Variants in PCDHGA4 observed in about 807,000 individuals in gnomAD.
PCDHGA4 encodes the protein protocadherin gamma-A4.
Under a neutral mutation model 54.6 loss-of-function variants are expected in PCDHGA4, and 38 were observed. That is an observed-to-expected ratio of 0.70 (90% CI 0.54 to 0.91). The LOEUF is 0.91. Among genes scored for constraint, PCDHGA4 ranks in the 40% least tolerant of loss-of-function variants. The probability of loss-of-function intolerance (pLI) is 0.00; values close to 1 mark genes in which losing one functional copy is unlikely to be tolerated. For synonymous variants in PCDHGA4, 511 were observed against 512.9 expected (o/e 1.00, Z 0.05); for missense variants, 1,298 against 1,220.9 (o/e 1.06, Z -0.94).
Position 141,415,580 on chromosome 5 carries a change from A to C in PCDHGA4, c.2514+57959A>C, listed in dbSNP as rs773634634. The C allele has an allele frequency of 4.3e-6, 7 of 1,613,976 alleles. No individual in the cohort carries two copies. The Admixed American group carries it at 1.2e-4, about 27-fold the overall frequency. Reference sequence around the variant, plus strand: ...CCTTTGTCTTTGTTAGATGATTCGAAGTTTCCTATAGAGGATACCCCATTG... The same window carrying C: ...CCTTTGTCTTTGTTAGATGATTCGACGTTTCCTATAGAGGATACCCCATTG... On this transcript the variant is annotated intron_variant, in intron 1 of 3. Transcript: ENST00000571252.
chr5:141,458,549 T>A (rs2098948402), intron 1 of PCDHGA4, among the ~76,000 whole-genome samples: 1 of 148,072 alleles, frequency 6.8e-6, no homozygotes, highest in African/African-American at 2.6e-5. Flanking sequence ...ATTTTGTTTG[T>A]TTGTTTTGGT....
At chr5:141,501,809 A>G (rs2099811165) in intron 2 of PCDHGA4, among the ~76,000 whole-genome samples, 1 of 152,176 alleles carries the variant, frequency 6.6e-6, no homozygotes, top group African/African-American at 2.4e-5. Flanking sequence ...ACCCAGCTTC[A>G]CATAATTGGC....
In PCDHGA4 at chr5:141,487,198, T is replaced by C; in HGVS notation, c.2515-7609T>C. ...AAGACACTCATCCAGTTGTCCCAGA[T>C]CTTCGAGAATCTTCAGCTCCAAGGG... On this transcript the variant is annotated intron_variant, in intron 1 of 3. Transcript: ENST00000571252. The surrounding 1 kb of genome is among the most constrained non-coding windows in gnomAD (Gnocchi z 5.0). The C allele has an allele frequency of 6.2e-7, 1 of 1,613,854 alleles. No homozygotes were observed.
intron 1 of PCDHGA4, chr5:141,390,108 A>G (rs1450933158): frequency 6.2e-7 from 1 of 1,614,030 alleles, no homozygotes; most frequent in Non-Finnish European, 8.5e-7. Context: ...CCCCAACTAC[A>G]GCGAGGGGAC....
chr5:141,488,196 TA>T, intron 1 of PCDHGA4, among the ~76,000 whole-genome samples: 1 of 152,186 alleles, frequency 6.6e-6, no homozygotes, highest in Non-Finnish European at 1.5e-5. Context: ...GTCTGGGTCT[TA>T]GGACTCATAT....
At chr5:141,417,875 G>C (rs2096176700) in intron 1 of PCDHGA4, 2 of 1,556,360 alleles carry the variant, frequency 1.3e-6, no homozygotes, top group Non-Finnish European at 1.7e-6. Context: ...AGGGAGCTGC[G>C]CGCAGAGGCG....
At chr5:141,433,091 A>C in intron 1 of PCDHGA4, 1 of 1,614,182 alleles carries the variant, frequency 6.2e-7, no homozygotes, top group Non-Finnish European at 8.5e-7. Flanking sequence ...CTATGCAGAC[A>C]TGCTCGTCAG....
chr5:141,461,830 CT>C (rs1030113508), intron 1 of PCDHGA4, among the ~76,000 whole-genome samples: 30 of 145,198 alleles, frequency 2.1e-4, no homozygotes, highest in Non-Finnish European at 2.4e-4. Flanking sequence ...ATTTTTTTTT[CT>C]TTTTTTTTTG....
At position 141,509,122 on chromosome 5, in the gene PCDHGA4, G is replaced by A. The variant is rs2099875312; in HGVS notation, c.2663-1825G>A. 2.0e-5 allele frequency among the ~76,000 whole-genome samples: 3 copies of A among 152,154 alleles called. No homozygotes were observed. In the South Asian group the frequency reaches 6.2e-4, roughly 32 times the overall value. The stretch of plus-strand genomic sequence containing the variant: ...AGAAACCTGAGCGCTGGTGCGTGAA[G>A]AGAAAAACCGAGGCGCATCCCGGCT... On this transcript the variant is annotated intron_variant, in intron 3 of 3. Transcript: ENST00000571252.
chr5:141,396,860 T>C (rs1273570477), intron 1 of PCDHGA4, among the ~76,000 whole-genome samples: 1 of 152,230 alleles, frequency 6.6e-6, no homozygotes, highest in African/African-American at 2.4e-5. Flanking sequence ...ATAGTTTGTG[T>C]ACCATTTGGA....
intron 1 of PCDHGA4, among the ~76,000 whole-genome samples, chr5:141,462,203 G>A (rs544238255): frequency 2.6e-5 from 4 of 152,036 alleles, no homozygotes; most frequent in East Asian, 1.9e-4. Flanking sequence ...CAGGTGATCC[G>A]CCTGCCTCGG....
intron 1 of PCDHGA4, among the ~76,000 whole-genome samples, chr5:141,465,119 A>T (rs2099097382): frequency 6.6e-6 from 1 of 151,780 alleles, no homozygotes; most frequent in Non-Finnish European, 1.5e-5. Flanking sequence ...GTTTTAGCCT[A>T]AATTTGTAAA....
chr5:141,493,179 T>C lies in PCDHGA4; in HGVS notation c.2515-1628T>C, dbSNP rs1208502829. 6.6e-6 allele frequency among the ~76,000 whole-genome samples: 1 copy of C among 152,230 alleles called. No homozygotes were observed. Among genetic ancestry groups the C allele is most frequent in the Non-Finnish European group, 1.5e-5 (1 of 68,040 alleles). On this transcript the variant is annotated intron_variant, in intron 1 of 3. Coordinates refer to ENST00000571252, the MANE Select transcript of PCDHGA4 (RefSeq NM_018917.4). This position sits in a 1 kb window ranked among gnomAD's most constrained non-coding sequence, Gnocchi z 4.3. ...TGATAGCTGATTGAGAGAAACTTAC[T>C]ATATAACTCCTTTGAGAACCTCATC...
In PCDHGA4 at chr5:141,415,024, G is replaced by A. The variant is rs1272655664; in HGVS notation, c.2514+57403G>A. On this transcript the variant is annotated intron_variant, in intron 1 of 3. Coordinates refer to ENST00000571252, the MANE Select transcript of PCDHGA4 (RefSeq NM_018917.4). ...GTCCTACCGTCTGCTCAAGGCCAGC[G>A]AGCCGGGACTCTTCGCGGTGGGGGA... 4.3e-6 allele frequency: 7 copies of A among 1,613,450 alleles called. 1 individual carries two copies. The highest frequency in any genetic ancestry group is 3.3e-5 in the Admixed American group (2 of 60,002).
chr5:141,421,679 C>A, intron 1 of PCDHGA4: 1 of 1,613,810 alleles, frequency 6.2e-7, no homozygotes, highest in East Asian at 2.2e-5. Flanking sequence ...ATTCCTGGGG[C>A]GCGATTTGCT....
At chr5:141,393,406 G>A (rs762034418) in intron 1 of PCDHGA4, 1 of 1,614,026 alleles carries the variant, frequency 6.2e-7, no homozygotes, top group Admixed American at 1.7e-5. Flanking sequence ...GTGCTGGAGC[G>A]CGCCCTGGAC....
rs1024041667 is a variant in PCDHGA4 at position 141,355,485 on chromosome 5, C to T, written c.378C>T (p.Leu126=). The change falls in exon 1 of 4, where the codon CTC becomes CTT. Residue 126 remains leucine, a synonymous_variant. Coordinates refer to ENST00000571252, the MANE Select transcript of PCDHGA4 (RefSeq NM_018917.4). ...CGGGTAGGATAGACAGGGAGGAGCT[C>T]TGCGACAGATCTCCAAACTGTGTGA... The part of the protein sequence containing the change: ...VTAGRIDREE[L]CDRSPNCVTN... 6.2e-7 allele frequency: 1 copy of T among 1,614,082 alleles called. No homozygotes were observed. The highest frequency in any genetic ancestry group is 1.6e-4 in the Middle Eastern group (1 of 6,062).
chr5:141,399,796 C>A (rs62621781), intron 1 of PCDHGA4: 1 of 1,613,212 alleles, frequency 6.2e-7, no homozygotes. Context: ...CAACGCACCG[C>A]GGGTGCTGTA....
At chr5:141,383,963 C>G (rs967868907) in intron 1 of PCDHGA4, 1 of 1,613,480 alleles carries the variant, frequency 6.2e-7, no homozygotes, top group South Asian at 1.1e-5. Flanking sequence ...TTAAGTAGCT[C>G]AATCCCTGAA....
Sources: gnomAD v4.1 joint callset for allele counts (sites outside exome capture counted in the v4.1 genomes callset) on GRCh38, gnomAD v4.1.1 for gene constraint, Gnocchi (gnomAD v3.1) non-coding constraint, MANE v1.5 for transcripts, NCBI Gene and HGNC (gene_info 2026-07-23, HGNC 2026-07-21) for gene names.